NCBP3: variants seen among roughly 807,000 people sequenced by gnomAD.
The protein encoded by NCBP3 is nuclear cap binding subunit 3, also known as nuclear cap-binding protein subunit 3.
A neutral mutation model predicts 75.7 loss-of-function variants in NCBP3; 20 were observed. The ratio of observed to expected loss-of-function variants is 0.26; its 90% CI spans 0.19 to 0.38. NCBP3 has a LOEUF of 0.38. Ranked by LOEUF, NCBP3 falls within the 10% of genes least tolerant of loss-of-function variation. NCBP3 has a pLI of 1.00. For synonymous variants in NCBP3, 293 were observed against 290.5 expected (o/e 1.01, Z -0.09); for missense variants, 678 against 796.9 (o/e 0.85, Z 1.80).
intron 3 of NCBP3, among the ~76,000 whole-genome samples, chr17:3,831,735 A>G (rs1459343365): frequency 8.2e-6 from 1 of 121,312 alleles, no homozygotes; most frequent in African/African-American, 2.5e-5. Flanking sequence ...CTCTGAAGCA[A>G]TTCTGTCAAG....
At chr17:3,822,177 T>C (rs2053680136) in intron 7 of NCBP3, 125 bp from the exon 8 acceptor site, 1 of 665,624 alleles carries the variant, frequency 1.5e-6, no homozygotes, top group Non-Finnish European at 2.6e-6. Flanking sequence ...AAAGTAAAAA[T>C]CCACTACCAA....
At chr17:3,834,818 G>C (rs2053946594) in intron 3 of NCBP3, among the ~76,000 whole-genome samples, 1 of 134,570 alleles carries the variant, frequency 7.4e-6, no homozygotes, top group Non-Finnish European at 1.6e-5. Flanking sequence ...CAAGCTCCAA[G>C]ACTGTGGATG....
Position 3,803,543 on chromosome 17 carries a change from T to C in NCBP3, c.*9501A>G, listed in dbSNP as rs2053299975. On this transcript the variant is annotated 3_prime_UTR_variant, in exon 13 of 13. Transcript: ENST00000389005. ...AATGTTCACTAAAACATCTTACGGA[T>C]AAACGAGCATGATGTATACAAATAA... 6.6e-6 allele frequency: 1 copy of C among 152,126 alleles called. No homozygotes were observed. The highest frequency in any genetic ancestry group is 2.1e-4 in the South Asian group (1 of 4,828). 9.4% of individuals were successfully genotyped at this position (152,126 alleles called of 1,614,324 possible). A position where few individuals can be genotyped will look rare whatever the true frequency, so the allele number is the denominator to read the frequency against.
rs554245933 is a variant in NCBP3, at chr17:3,812,562, G to A, written c.*482C>T. On this transcript the variant is annotated 3_prime_UTR_variant, in exon 13 of 13. Coordinates refer to ENST00000389005, the MANE Select transcript of NCBP3 (RefSeq NM_001114118.3). ...CGCCCCACACTAGGGTCCCGGAAGG[G>A]TGAGCTGGCCGCTTCCCTCCTCTTC... The A allele has an allele frequency of 3.6e-4, 363 of 1,009,610 alleles. 7 individuals carry two copies. The South Asian group carries it at 0.014, about 38-fold the overall frequency. The allele number at this position is 1,009,610 out of a possible 1,614,324, so 62.5% of individuals were successfully genotyped here.
intron 9 of NCBP3, among the ~76,000 whole-genome samples, chr17:3,820,976 T>C (rs1232958360): frequency 2.0e-5 from 3 of 152,054 alleles, no homozygotes; most frequent in Non-Finnish European, 2.9e-5. Flanking sequence ...ATATTAATAG[T>C]AGAAAAATTA....
At chr17:3,830,769 G>A (rs952806196) in intron 3 of NCBP3, among the ~76,000 whole-genome samples, 2 of 150,894 alleles carry the variant, frequency 1.3e-5, no homozygotes, top group Admixed American at 1.3e-4. Context: ...GTATTTTTAA[G>A]AGATGGGGTT....
In NCBP3 at chr17:3,846,024, C is replaced by T. The variant is rs771397959; in HGVS notation, c.183+17G>A. ...AGCCCCGCGACCTCTTCCTTACCCCCCGACCCCCGCCCGTACCGGGATCAG... is the reference window on the plus strand; with the variant it reads ...AGCCCCGCGACCTCTTCCTTACCCCTCGACCCCCGCCCGTACCGGGATCAG... On this transcript the variant is annotated intron_variant, in intron 1 of 12. Coordinates refer to ENST00000389005, the MANE Select transcript of NCBP3 (RefSeq NM_001114118.3). This position sits in a 1 kb window ranked among gnomAD's most constrained non-coding sequence, Gnocchi z 4.6. The T allele has an allele frequency of 1.9e-6, 3 of 1,545,418 alleles. No homozygotes were observed. The highest frequency in any genetic ancestry group is 1.7e-6 in the Non-Finnish European group (2 of 1,144,210).
intron 3 of NCBP3, among the ~76,000 whole-genome samples, chr17:3,839,811 T>C (rs1006992366): frequency 6.6e-6 from 1 of 152,084 alleles, no homozygotes; most frequent in African/African-American, 2.4e-5. Flanking sequence ...TGAGTAAGGG[T>C]CCTTAGAAGC....
intron 3 of NCBP3, among the ~76,000 whole-genome samples, chr17:3,836,615 T>G (rs988443866): frequency 7.1e-6 from 1 of 141,430 alleles, no homozygotes; most frequent in African/African-American, 2.7e-5. Context: ...ATTGCGCCAC[T>G]GCACTCCAGC....
intron 8 of NCBP3, among the ~76,000 whole-genome samples, 156 bp from the exon 9 acceptor site, chr17:3,821,508 T>C (rs541891318): frequency 1.6e-4 from 25 of 152,226 alleles, no homozygotes; most frequent in African/African-American, 6.0e-4. Flanking sequence ...CTGCAACCTT[T>C]GCCTCTTGGG....
intron 6 of NCBP3, among the ~76,000 whole-genome samples, chr17:3,825,555 C>CT (rs1014371466): frequency 3.3e-5 from 5 of 152,080 alleles, no homozygotes; most frequent in African/African-American, 7.2e-5. Flanking sequence ...AAACTATTTT[C>CT]TTTTTTTGTA....
intron 11 of NCBP3, among the ~76,000 whole-genome samples, chr17:3,815,760 A>G (rs1370741993): frequency 1.3e-5 from 2 of 152,170 alleles, no homozygotes; most frequent in Non-Finnish European, 2.9e-5. Context: ...CTTAAAGTAT[A>G]TGAGAGGATG....
rs1418095541 is a variant in NCBP3 at position 3,810,673 on chromosome 17, A to G, written c.*2371T>C. On this transcript the variant is annotated 3_prime_UTR_variant, in exon 13 of 13. Transcript: ENST00000389005. ...GGGCAGGAGGGTTAGAGAAACTAATAAGGCCAGTAACTCCGAGAAGTAAAA... is the reference window on the plus strand; with the variant it reads ...GGGCAGGAGGGTTAGAGAAACTAATGAGGCCAGTAACTCCGAGAAGTAAAA... 1 of 152,208 alleles carries G rather than the reference A, an allele frequency of 6.6e-6. No homozygotes were observed. The allele number at this position is 152,208 out of a possible 1,614,324, so 9.4% of individuals were successfully genotyped here. A position where few individuals can be genotyped will look rare whatever the true frequency, so the allele number is the denominator to read the frequency against.
At chr17:3,828,079 A>T (rs1278794622) in intron 4 of NCBP3, among the ~76,000 whole-genome samples, 2 of 152,070 alleles carry the variant, frequency 1.3e-5, no homozygotes, top group Non-Finnish European at 2.9e-5. Context: ...TCGCCACATG[A>T]GGCTAATTTT....
intron 1 of NCBP3, among the ~76,000 whole-genome samples, chr17:3,844,689 A>G (rs2054128768): frequency 6.6e-6 from 1 of 152,172 alleles, no homozygotes; most frequent in Admixed American, 6.5e-5. Context: ...CGTCTCTACT[A>G]AAAATACAAA....
chr17:3,821,714 T>C (rs1192866016), intron 8 of NCBP3, among the ~76,000 whole-genome samples: 2 of 152,128 alleles, frequency 1.3e-5, no homozygotes, highest in African/African-American at 4.8e-5. Flanking sequence ...TGAGCCACCA[T>C]GTCTGGGCTC....
intron 3 of NCBP3, among the ~76,000 whole-genome samples, chr17:3,830,285 G>T (rs2053854962): frequency 6.6e-6 from 1 of 152,146 alleles, no homozygotes; most frequent in Non-Finnish European, 1.5e-5. Flanking sequence ...TAATAACCCA[G>T]TAGTTACCAG....
At chr17:3,821,612 G>T (rs1256609189) in intron 8 of NCBP3, among the ~76,000 whole-genome samples, 2 of 151,912 alleles carry the variant, frequency 1.3e-5, no homozygotes, top group Non-Finnish European at 2.9e-5. Flanking sequence ...TAGTAGAGAC[G>T]GGGTTTCACC....
At chr17:3,824,830 G>A (rs2053754075) in intron 7 of NCBP3, 112 bp downstream of exon 7, 2 of 563,896 alleles carry the variant, frequency 3.5e-6, no homozygotes, top group Non-Finnish European at 6.0e-6. Context: ...ATTATAGTTT[G>A]AAGGGAACTT....
Sources: gnomAD v4.1 joint callset for allele counts (sites outside exome capture counted in the v4.1 genomes callset) on GRCh38, gnomAD v4.1.1 for gene constraint, Gnocchi (gnomAD v3.1) non-coding constraint, MANE v1.5 for transcripts, NCBI Gene and HGNC (gene_info 2026-07-23, HGNC 2026-07-21) for gene names.